CHSY3: variants seen among roughly 807,000 people sequenced by gnomAD.
CHSY3 encodes the protein N-acetylgalactosaminyl-proteoglycan 3-beta-glucuronosyltransferase 3.
CHSY3 carries 35 observed loss-of-function variants against 67.2 expected under a neutral mutation model. The observed-to-expected ratio is 0.52, with a 90% CI of 0.40 to 0.69. The LOEUF is 0.69. CHSY3 is among the 30% of genes least tolerant of loss of function. The probability of loss-of-function intolerance (pLI) is 0.00; values close to 1 mark genes in which losing one functional copy is unlikely to be tolerated. For missense variants in CHSY3, 1,069 were observed against 1,138.5 expected (o/e 0.94, Z 0.88); for synonymous variants, 474 against 434.7 (o/e 1.09, Z -1.12).
chr5:130,116,887 G>A lies in CHSY3; in HGVS notation c.1087-67342G>A, dbSNP rs540013677. Reference sequence around the variant, plus strand: ...TCTTTTTTTTTTTTTGAGTAAATAAGTTATTGCAATAGAAAGAGAACTTTT... The same window carrying A: ...TCTTTTTTTTTTTTTGAGTAAATAAATTATTGCAATAGAAAGAGAACTTTT... On this transcript the variant is annotated intron_variant, in intron 2 of 2. Transcript: ENST00000305031. 4.1e-3 allele frequency among the ~76,000 whole-genome samples: 626 copies of A among 151,000 alleles called. 7 individuals are homozygous for A. The highest frequency in any genetic ancestry group is 0.035 in the South Asian group (168 of 4,802).
chr5:130,011,416 T>C (rs1306698968), intron 2 of CHSY3, among the ~76,000 whole-genome samples: 2 of 152,168 alleles, frequency 1.3e-5, no homozygotes, highest in East Asian at 3.9e-4. Context: ...TTCAATAAAA[T>C]TCAACATTCC....
chr5:130,007,066 G>A (rs1424634744), intron 2 of CHSY3, among the ~76,000 whole-genome samples: 1 of 152,138 alleles, frequency 6.6e-6, no homozygotes, highest in Non-Finnish European at 1.5e-5. Flanking sequence ...CACACATTGA[G>A]TAATACAATG....
chr5:130,068,992 G>A (rs940005112), intron 2 of CHSY3, among the ~76,000 whole-genome samples: 6 of 152,040 alleles, frequency 3.9e-5, no homozygotes, highest in Non-Finnish European at 8.8e-5. Context: ...AAATATATAT[G>A]TATTTCATTG....
chr5:130,021,294 C>T (rs1300602025), intron 2 of CHSY3, among the ~76,000 whole-genome samples: 1 of 151,982 alleles, frequency 6.6e-6, no homozygotes, highest in Non-Finnish European at 1.5e-5. Flanking sequence ...TATTTTACTG[C>T]CCTTACTACC....
At chr5:129,949,942 T>A (rs111857355) in intron 2 of CHSY3, among the ~76,000 whole-genome samples, 1,664 of 152,068 alleles carry the variant, frequency 0.011, 26 homozygotes, top group African/African-American at 0.037. Context: ...GGGGGGTGGA[T>A]CACCTGAGGT....
intron 2 of CHSY3, among the ~76,000 whole-genome samples, chr5:129,956,572 G>T (rs1561471966): frequency 2.0e-5 from 3 of 151,988 alleles, no homozygotes; most frequent in Admixed American, 1.3e-4. Context: ...TATCCCATTT[G>T]TCAATTTTTG....
At chr5:129,951,219 T>A (rs968263952) in intron 2 of CHSY3, among the ~76,000 whole-genome samples, 1 of 152,294 alleles carries the variant, frequency 6.6e-6, no homozygotes, top group South Asian at 2.1e-4. Flanking sequence ...TGAATCCTTA[T>A]CTTACATCAC....
chr5:129,912,566 T>C (rs1760600522), intron 2 of CHSY3, among the ~76,000 whole-genome samples: 1 of 152,226 alleles, frequency 6.6e-6, no homozygotes, highest in Admixed American at 6.5e-5. Context: ...TCACTTTTTC[T>C]ATTTCCTTCC....
intron 2 of CHSY3, among the ~76,000 whole-genome samples, chr5:130,077,931 AC>A (rs1243658609): frequency 1.3e-5 from 2 of 152,056 alleles, no homozygotes; most frequent in African/African-American, 2.4e-5. Flanking sequence ...TTCTAAAGAA[AC>A]CTAAATGTGA....
Position 130,184,422 on chromosome 5 carries a change from A to C in CHSY3, c.1280A>C (p.Glu427Ala). 2 of 1,613,574 alleles carry C rather than the reference A, an allele frequency of 1.2e-6. No individual in the cohort carries two copies. The highest frequency in any genetic ancestry group is 4.5e-5 in the East Asian group (2 of 44,880). Residue 427 changes from glutamate to alanine, a missense_variant, in exon 3 of 3, where the codon GAA (glutamate) becomes GCA (alanine). Transcript: ENST00000305031. ...TACCGCACCATCCAGCTCCACAGGG[A>C]AAGTGCCCTGATGAGCAAGCTCAGT... ...LRYRTIQLHR[E>A]SALMSKLSNT...
intron 2 of CHSY3, among the ~76,000 whole-genome samples, chr5:129,995,892 C>A (rs932321136): frequency 2.6e-5 from 4 of 151,978 alleles, no homozygotes; most frequent in Non-Finnish European, 1.5e-5. Context: ...CTCCAATCTC[C>A]CATCTTTATC....
At chr5:129,944,396 T>C (rs1190418502) in intron 2 of CHSY3, among the ~76,000 whole-genome samples, 3 of 147,602 alleles carry the variant, frequency 2.0e-5, no homozygotes, top group Non-Finnish European at 4.5e-5. Flanking sequence ...AATTAACGAA[T>C]TTTTTTTTTT....
chr5:130,128,726 G>A (rs1768381066), intron 2 of CHSY3, among the ~76,000 whole-genome samples: 2 of 152,108 alleles, frequency 1.3e-5, no homozygotes, highest in South Asian at 2.1e-4. Flanking sequence ...ACATATGTCT[G>A]TGGCCTTGTA....
Position 129,904,543 on chromosome 5 carries a change from T to G in CHSY3, c.-287T>G. ...CTCCTCCTCCTGCAGCTCCTCCAGC[T>G]GCCGCTGCTGCCGCCGCTGCCGCCA... On this transcript the variant is annotated 5_prime_UTR_variant, in exon 1 of 3. Coordinates refer to ENST00000305031, the MANE Select transcript of CHSY3 (RefSeq NM_175856.5). 2.9e-6 allele frequency: 1 copy of G among 339,480 alleles called. No individual in the cohort carries two copies. Among genetic ancestry groups the G allele is most frequent in the Non-Finnish European group, 5.0e-6 (1 of 198,688 alleles). The allele number at this position is 339,480 out of a possible 1,614,324, so 21.0% of individuals were successfully genotyped here. A position where few individuals can be genotyped will look rare whatever the true frequency, so the allele number is the denominator to read the frequency against.
chr5:130,018,649 C>G (rs1000693559), intron 2 of CHSY3, among the ~76,000 whole-genome samples: 1 of 152,086 alleles, frequency 6.6e-6, no homozygotes, highest in South Asian at 2.1e-4. Context: ...TCAGCCTTGT[C>G]GATGTATTGT....
intron 2 of CHSY3, 80 bp downstream of exon 2, chr5:129,908,440 A>G (rs2431206): frequency 0.92 from 1,401,427 of 1,528,112 alleles, 643,210 homozygotes; most frequent in East Asian, 1. Context: ...GATTCTATTC[A>G]TTCTCTCTGT....
chr5:130,111,500 T>C (rs1767591161), intron 2 of CHSY3, among the ~76,000 whole-genome samples: 1 of 152,126 alleles, frequency 6.6e-6, no homozygotes, highest in Non-Finnish European at 1.5e-5. Context: ...AGCTTTGCAC[T>C]ATTCAATATG....
intron 2 of CHSY3, among the ~76,000 whole-genome samples, chr5:129,995,633 C>T (rs1176257003): frequency 6.6e-6 from 1 of 150,638 alleles, no homozygotes; most frequent in Non-Finnish European, 1.5e-5. Context: ...TTCTCTTCTT[C>T]CCTTCTCTCT....
intron 2 of CHSY3, among the ~76,000 whole-genome samples, chr5:130,025,261 C>A (rs1764507773): frequency 6.6e-6 from 1 of 152,078 alleles, no homozygotes. Flanking sequence ...AGGAATTAAC[C>A]TTTAGGTTGA....
Sources: allele counts gnomAD v4.1 joint callset (sites outside exome capture counted in the v4.1 genomes callset), GRCh38; gene constraint gnomAD v4.1.1; transcripts MANE v1.5; gene names NCBI Gene and HGNC (gene_info 2026-07-23, HGNC 2026-07-21).